CDK11A: variants seen among roughly 807,000 people sequenced by gnomAD.
CDK11A encodes cyclin dependent kinase 11A.
CDK11A carries 55 observed loss-of-function variants against 83.6 expected under a neutral mutation model. The ratio of observed to expected loss-of-function variants is 0.66; its 90% CI spans 0.53 to 0.82. The LOEUF (loss-of-function observed/expected upper bound fraction) is 0.82. CDK11A is among the 40% of genes least tolerant of loss of function. The pLI is 0.00. For missense variants in CDK11A, 564 were observed against 810.1 expected (o/e 0.70, Z 3.69); for synonymous variants, 247 against 302.7 (o/e 0.82, Z 1.91).
chr1:1,722,800 A>G lies in CDK11A; in HGVS notation c.19T>C (p.Ser7Pro). Residue 7 changes from serine (S) to proline (P), a missense_variant, in exon 2 of 20, where the codon TCT becomes CCT. By Grantham distance (74) the Ser-to-Pro change is moderately conservative (BLOSUM62 -1). Around this residue, in one of 5 missense-constraint regions of CDK11A, gnomAD observed 28 missense variants for 54.8 expected, o/e 0.51. Transcript: ENST00000404249. ...TCATCTAAAGTTTTCACTTTCCAAGAGTCCTTTTCATCACCCATTTGAGTT... is the reference window on the plus strand; with the variant it reads ...TCATCTAAAGTTTTCACTTTCCAAGGGTCCTTTTCATCACCCATTTGAGTT... MGDEKD[S>P]WKVKTLDEIL... 2.1e-6 allele frequency: 3 copies of G among 1,417,778 alleles called. No individual in the cohort carries two copies. Among genetic ancestry groups the G allele is most frequent in the Non-Finnish European group, 2.8e-6 (3 of 1,062,652 alleles). 87.8% of individuals were successfully genotyped at this position (1,417,778 alleles called of 1,614,324 possible).
intron 12 of CDK11A, 38 bp from the exon 13 acceptor site, chr1:1,705,063 C>T: frequency 3.8e-6 from 6 of 1,580,142 alleles, no homozygotes; most frequent in Non-Finnish European, 5.1e-6. Flanking sequence ...GAGGCATTCT[C>T]AAAGTCACGG....
At position 1,721,631 on chromosome 1, in the gene CDK11A, G is replaced by A. The variant is rs565553918; in HGVS notation, c.192C>T (p.Asn64=). The A allele has an allele frequency of 3.7e-6, 6 of 1,607,250 alleles. No homozygotes were observed. The highest frequency in any genetic ancestry group is 4.3e-6 in the Non-Finnish European group (5 of 1,175,014). ...RDHCMEITIR[N]SPYRREDSME... ...TTGAGTCTTCTCTTCTATACGGGGA[G>A]TTCCTTATTGTGATCTCCATGCAGT... Residue 64 remains asparagine, a synonymous_variant, in exon 3 of 20, where the codon AAC becomes AAT. Transcript: ENST00000404249.
chr1:1,710,286 C>T (rs578206089), intron 6 of CDK11A, among the ~76,000 whole-genome samples: 25 of 5,944 alleles, frequency 4.2e-3, no homozygotes, highest in African/African-American at 7.2e-3. Context: ...CCACGTCCCC[C>T]GTTGCCCCCT....
At chr1:1,722,488 A>T in intron 2 of CDK11A, 1 of 608,176 alleles carries the variant, frequency 1.6e-6, no homozygotes, top group Non-Finnish European at 2.9e-6. Context: ...TTAACATTCA[A>T]CGTATTTTAT....
At chr1:1,707,380 A>C in intron 11 of CDK11A, 29 bp downstream of exon 11, 1 of 1,602,848 alleles carries the variant, frequency 6.2e-7, no homozygotes, top group Non-Finnish European at 8.5e-7. Context: ...CAATGCGGAC[A>C]GCGGCCCGGG....
Position 1,703,901 on chromosome 1 carries a change from T to C in CDK11A, c.1834A>G (p.Ile612Val), listed in dbSNP as rs1644190466. Reference protein sequence around the residue: ...TAVDMWSVGCIFGELLTQKPL... With the variant: ...TAVDMWSVGCVFGELLTQKPL... ...TTCTGAGTCAGCAGCTCCCCGAAGA[T>C]GCAGCCCACTGACCACATGTCCACG... The change falls in exon 17 of 20, where the codon ATC becomes GTC. Residue 612 changes from isoleucine to valine, a missense_variant. This residue lies in a region of CDK11A where 361 missense variants were observed against 402.7 expected (regional missense o/e 0.90). Transcript: ENST00000404249. 1.9e-6 allele frequency: 3 copies of C among 1,609,686 alleles called. No individual in the cohort carries two copies. The highest frequency in any genetic ancestry group is 2.5e-6 in the Non-Finnish European group (3 of 1,176,956).
chr1:1,706,859 C>T (rs1365638500), intron 11 of CDK11A, among the ~76,000 whole-genome samples: 2 of 149,788 alleles, frequency 1.3e-5, no homozygotes, highest in South Asian at 4.3e-4. Context: ...AGGAGGGGGC[C>T]GAGTCCCTGC....
intron 3 of CDK11A, among the ~76,000 whole-genome samples, chr1:1,720,098 A>G (rs920105744): frequency 2.0e-5 from 3 of 149,990 alleles, no homozygotes; most frequent in African/African-American, 7.4e-5. Context: ...TTATTTATTT[A>G]TTTATTTTAT....
rs1265518229 is a variant in CDK11A at position 1,715,630 on chromosome 1, C to G, written c.488+716G>C. Among the ~76,000 whole-genome samples, 5 of 150,702 alleles carry G rather than the reference C, an allele frequency of 3.3e-5. No individual in the cohort carries two copies. The South Asian group carries it at 1.1e-3, about 32-fold the overall frequency. Reference sequence around the variant, plus strand: ...AACCAGCGCCCTCTCATCATCTTTACATGCTGTGTACCCAGCCCTGGCTGC... The same window carrying G: ...AACCAGCGCCCTCTCATCATCTTTAGATGCTGTGTACCCAGCCCTGGCTGC... On this transcript the variant is annotated intron_variant, in intron 5 of 19. Transcript: ENST00000404249.
rs1644142083 is a variant in CDK11A, at chr1:1,702,997, A to C, written c.2253T>G (p.Gly751=). The change falls in exon 20 of 20, where the codon GGT becomes GGG. Residue 751 remains glycine (G), a splice_region_variant and synonymous_variant. Transcript: ENST00000404249. ...AGCCCGTCTCCTTCAGGTCGTCGTC[A>C]CCCTGGGACGAGTCGGCTACCGTGA... ...PEGGLGYSQL[G]DDDLKETGFH... The C allele has an allele frequency of 4.5e-6, 2 of 444,354 alleles. No homozygotes were observed. The highest frequency in any genetic ancestry group is 8.6e-5 in the African/African-American group (2 of 23,222). The allele number at this position is 444,354 out of a possible 1,614,324, so 27.5% of individuals were successfully genotyped here.
chr1:1,722,698 T>C lies in CDK11A; in HGVS notation c.111+10A>G. 1 of 1,558,684 alleles carries C rather than the reference T, an allele frequency of 6.4e-7. No homozygotes were observed. Among genetic ancestry groups the C allele is most frequent in the East Asian group, 2.3e-5 (1 of 43,410 alleles). Reference sequence around the variant, plus strand: ...TAAGAAAACCACTTACTTAAAAAAATATGGCTTACATTTTTTAAGCGTTTT... The same window carrying C: ...TAAGAAAACCACTTACTTAAAAAAACATGGCTTACATTTTTTAAGCGTTTT... On this transcript the variant is annotated intron_variant, in intron 2 of 19. Transcript: ENST00000404249.
chr1:1,708,472 C>T (rs541786456), intron 9 of CDK11A, among the ~76,000 whole-genome samples: 2 of 140,240 alleles, frequency 1.4e-5, no homozygotes, highest in East Asian at 2.0e-4. Context: ...GAAACCCCGT[C>T]TCGACTAAAA....
intron 4 of CDK11A, among the ~76,000 whole-genome samples, chr1:1,716,776 C>G (rs1189114089): frequency 8.0e-6 from 1 of 125,664 alleles, no homozygotes; most frequent in African/African-American, 3.1e-5. Context: ...GATCGTGCCA[C>G]TGCACTCCAG....
At chr1:1,717,570 G>C (rs1459187990) in intron 4 of CDK11A, among the ~76,000 whole-genome samples, 1 of 150,972 alleles carries the variant, frequency 6.6e-6, no homozygotes, top group Non-Finnish European at 1.5e-5. Flanking sequence ...AGGAAAAATG[G>C]ACTAGCCATT....
chr1:1,718,986 G>A lies in CDK11A; in HGVS notation c.355+342C>T, dbSNP rs530881301. Among the ~76,000 whole-genome samples, 23 of 150,610 alleles carry A rather than the reference G, an allele frequency of 1.5e-4. No homozygotes were observed. The South Asian group carries it at 4.9e-3, about 32-fold the overall frequency. On this transcript the variant is annotated intron_variant, in intron 4 of 19. Coordinates refer to ENST00000404249, the MANE Select transcript of CDK11A (RefSeq NM_024011.4). Reference sequence around the variant, plus strand: ...CCCTTCTGAATGGTCTGTGACACACGCATGCTTTCAGCTAGAGTTTGCTCT... The same window carrying A: ...CCCTTCTGAATGGTCTGTGACACACACATGCTTTCAGCTAGAGTTTGCTCT...
At chr1:1,718,638 CTT>C (rs70937182) in intron 4 of CDK11A, among the ~76,000 whole-genome samples, 4 of 134,724 alleles carry the variant, frequency 3.0e-5, no homozygotes, top group Admixed American at 7.6e-5. Context: ...CTAGAGTATT[CTT>C]TTTTTTTTTT....
intron 3 of CDK11A, among the ~76,000 whole-genome samples, chr1:1,720,949 A>G (rs1358089516): frequency 1.3e-5 from 2 of 150,708 alleles, no homozygotes; most frequent in African/African-American, 4.9e-5. Flanking sequence ...TGTCACAGTA[A>G]TCCTAGGTCG....
At chr1:1,716,554 C>T in intron 4 of CDK11A, 76 bp from the exon 5 acceptor site, 3 of 1,482,886 alleles carry the variant, frequency 2.0e-6, no homozygotes, top group Non-Finnish European at 9.3e-7. Flanking sequence ...TGGCTTACGC[C>T]TGTAATCCCA....
intron 1 of CDK11A, 130 bp from the exon 2 acceptor site, chr1:1,722,961 G>A: frequency 2.6e-6 from 1 of 382,460 alleles, no homozygotes; most frequent in East Asian, 4.4e-5. Flanking sequence ...GCCCGGCGCA[G>A]TGGCTCAAGA....
Sources: gnomAD v4.1 joint callset for allele counts (sites outside exome capture counted in the v4.1 genomes callset) on GRCh38, gnomAD v4.1.1 for gene constraint, gnomAD v4.1.1 regional missense constraint, MANE v1.5 for transcripts, NCBI Gene and HGNC (gene_info 2026-07-23, HGNC 2026-07-21) for gene names.